Variants in MGAT4C observed in about 807,000 individuals in gnomAD.
MGAT4C encodes alpha-1,3-mannosyl-glycoprotein 4-beta-N-acetylglucosaminyltransferase C.
A neutral mutation model predicts 40.1 loss-of-function variants in MGAT4C; 19 were observed. That is an observed-to-expected ratio of 0.47 (90% CI 0.33 to 0.70). The LOEUF is 0.70. Among genes scored for constraint, MGAT4C ranks in the 30% least tolerant of loss-of-function variants. MGAT4C has a pLI of 0.02. For synonymous variants in MGAT4C, 181 were observed against 187.1 expected, an observed-to-expected ratio of 0.97 and a Z score of 0.27; for missense variants, 491 against 563.2, an observed-to-expected ratio of 0.87 and a Z score of 1.30.
chr12:86,553,841 T>C (rs1371693633), intron 2 of MGAT4C, among the ~76,000 whole-genome samples: 1 of 152,134 alleles, frequency 6.6e-6, no homozygotes, highest in Non-Finnish European at 1.5e-5. Flanking sequence ...CATCTAAGCA[T>C]AAATATATGA....
At chr12:86,580,726 A>C (rs1960747752) in intron 2 of MGAT4C, among the ~76,000 whole-genome samples, 1 of 151,620 alleles carries the variant, frequency 6.6e-6, no homozygotes, top group African/African-American at 2.4e-5. Context: ...GTATTGAATA[A>C]GAAGACATAT....
rs1007188675 is a variant in MGAT4C, at chr12:85,966,259, C to T, written c.*13030G>A. 1 of 151,874 alleles carries T rather than the reference C, an allele frequency of 6.6e-6. No individual in the cohort carries two copies. Among genetic ancestry groups the T allele is most frequent in the African/African-American group, 2.4e-5 (1 of 41,338 alleles). The allele number at this position is 151,874 out of a possible 1,614,324, so 9.4% of individuals were successfully genotyped here. A position where few individuals can be genotyped will look rare whatever the true frequency, so the allele number is the denominator to read the frequency against. ...ATTTGGCCACAGTTTCTTACTTTCT[C>T]ATATTTTGCTAAGCTTGTGGATGAA... On this transcript the variant is annotated 3_prime_UTR_variant, in exon 5 of 5. Coordinates refer to ENST00000611864, the MANE Select transcript of MGAT4C (RefSeq NM_001351288.2).
chr12:86,774,319 C>CTTTCTTTCTTTCTTTCT (rs1555227782), intron 1 of MGAT4C, among the ~76,000 whole-genome samples: 12,549 of 93,690 alleles, frequency 0.13, 1,773 homozygotes, highest in Non-Finnish European at 0.18. Flanking sequence ...TTCTTTCTTT[C>CTTTCTTTCTTTCTTTCT]TTTCTTTCTT....
chr12:86,731,746 A>G (rs1349824985), intron 1 of MGAT4C, among the ~76,000 whole-genome samples: 5 of 152,090 alleles, frequency 3.3e-5, no homozygotes, highest in Non-Finnish European at 7.4e-5. Flanking sequence ...AAAAAATGCA[A>G]TTGTTTCTGC....
chr12:86,622,102 T>C (rs979298169), intron 2 of MGAT4C, among the ~76,000 whole-genome samples: 4 of 152,192 alleles, frequency 2.6e-5, no homozygotes, highest in African/African-American at 9.6e-5. Context: ...AGTTTAGGTG[T>C]ATTGAATACA....
At position 86,707,528 on chromosome 12, in the gene MGAT4C, C is replaced by CA. The variant is rs983398524; in HGVS notation, c.-229+19680_-229+19681insT. Among the ~76,000 whole-genome samples, 950 of 132,840 alleles carry CA rather than the reference C, an allele frequency of 7.2e-3. 9 individuals are homozygous for CA. The highest frequency in any genetic ancestry group is 0.024 in the African/African-American group (890 of 36,372). 87.1% of individuals were successfully genotyped at this position (132,840 alleles called of 152,430 possible). On this transcript the variant is annotated intron_variant, in intron 2 of 7. Transcript: ENST00000548651. ...TATCTGGCGGAGGAATTTTTCTTTT[C>CA]TTTTTTTTTTTTTTTTAATTGAGGT...
At chr12:86,090,221 G>T (rs1872648622) in intron 1 of MGAT4C, among the ~76,000 whole-genome samples, 1 of 151,414 alleles carries the variant, frequency 6.6e-6, no homozygotes, top group African/African-American at 2.4e-5. Context: ...AAGAGATTTA[G>T]TACTAACATA....
chr12:86,286,615 A>C (rs77551914), intron 4 of MGAT4C, among the ~76,000 whole-genome samples: 1,732 of 152,180 alleles, frequency 0.011, 26 homozygotes, highest in African/African-American at 0.034. Context: ...GGTGCAGGGG[A>C]ACATGTGCAG....
intron 1 of MGAT4C, among the ~76,000 whole-genome samples, chr12:86,144,172 C>A (rs916486940): frequency 2.0e-5 from 3 of 152,130 alleles, no homozygotes; most frequent in Admixed American, 1.3e-4. Flanking sequence ...TTTACATAAG[C>A]CTACATATAG....
intron 1 of MGAT4C, among the ~76,000 whole-genome samples, chr12:86,150,297 A>G (rs1387433273): frequency 6.6e-6 from 1 of 152,186 alleles, no homozygotes; most frequent in African/African-American, 2.4e-5. Context: ...CAGTCCGTGG[A>G]CCAGGGGTTA....
At chr12:86,166,533 G>T (rs1188706048) in intron 1 of MGAT4C, among the ~76,000 whole-genome samples, 1 of 152,128 alleles carries the variant, frequency 6.6e-6, no homozygotes, top group Non-Finnish European at 1.5e-5. Flanking sequence ...TTAGTTGGCT[G>T]TGGTGGCGCA....
chr12:86,653,300 T>A (rs982709579), intron 2 of MGAT4C, among the ~76,000 whole-genome samples: 2 of 151,904 alleles, frequency 1.3e-5, no homozygotes, highest in African/African-American at 2.4e-5. Flanking sequence ...ATACTCAGGT[T>A]GGCAATAACT....
chr12:86,585,593 T>G (rs888242715), intron 2 of MGAT4C, among the ~76,000 whole-genome samples: 4 of 151,470 alleles, frequency 2.6e-5, no homozygotes, highest in African/African-American at 9.7e-5. Context: ...ATGTGATGAC[T>G]TGAAGTTCTC....
chr12:86,358,517 A>G (rs1955371655), intron 3 of MGAT4C, among the ~76,000 whole-genome samples: 1 of 152,216 alleles, frequency 6.6e-6, no homozygotes, highest in Non-Finnish European at 1.5e-5. Context: ...GCTCCATTTA[A>G]AAGTCACAGA....
At chr12:86,389,080 G>A (rs1234856214) in intron 3 of MGAT4C, among the ~76,000 whole-genome samples, 1 of 152,092 alleles carries the variant, frequency 6.6e-6, no homozygotes, top group African/African-American at 2.4e-5. Context: ...TGGTGCAAGT[G>A]CAGATTTGTT....
intron 2 of MGAT4C, among the ~76,000 whole-genome samples, chr12:86,695,737 C>T (rs988958198): frequency 3.3e-5 from 5 of 151,506 alleles, no homozygotes; most frequent in African/African-American, 1.2e-4. Context: ...TCGAACTCAT[C>T]GACACAGAGA....
chr12:86,057,373 C>T (rs1893511543), intron 1 of MGAT4C, among the ~76,000 whole-genome samples: 1 of 152,108 alleles, frequency 6.6e-6, no homozygotes, highest in Non-Finnish European at 1.5e-5. Context: ...GGTCAGATCC[C>T]TCTTTTTTCT....
chr12:86,354,954 G>C (rs1433110245), intron 3 of MGAT4C, among the ~76,000 whole-genome samples: 1 of 152,194 alleles, frequency 6.6e-6, no homozygotes, highest in African/African-American at 2.4e-5. Flanking sequence ...CCCAAGGGGG[G>C]TGCCACTGCT....
intron 2 of MGAT4C, among the ~76,000 whole-genome samples, chr12:86,501,081 C>G (rs377410551): frequency 6.6e-5 from 10 of 152,124 alleles, no homozygotes; most frequent in South Asian, 2.1e-4. Flanking sequence ...AGCTTCCACA[C>G]AGAAAGAAGA....
Sources: gnomAD v4.1 joint callset for allele counts (sites outside exome capture counted in the v4.1 genomes callset) on GRCh38, gnomAD v4.1.1 for gene constraint, MANE v1.5 for transcripts, NCBI Gene and HGNC (gene_info 2026-07-23, HGNC 2026-07-21) for gene names.